PTPRQ: variants seen among roughly 807,000 people sequenced by gnomAD.
The protein encoded by PTPRQ is protein tyrosine phosphatase receptor type Q.
In PTPRQ, 199 loss-of-function variants were observed where a neutral mutation model predicts 246.0. The observed-to-expected ratio is 0.81, with a 90% confidence interval of 0.72 to 0.91. The LOEUF is 0.91. Ranked by LOEUF, PTPRQ falls within the 40% of genes least tolerant of loss-of-function variation. The pLI, the probability that PTPRQ is intolerant of heterozygous loss-of-function variation, is 0.00. For synonymous variants in PTPRQ, 869 were observed against 853.2 expected, an observed-to-expected ratio of 1.02 and a Z score of -0.32; for missense variants, 2,624 against 2,528.4, an observed-to-expected ratio of 1.04 and a Z score of -0.81.
chr12:80,648,213 CATTAT>C (rs1900139642), intron 35 of PTPRQ, among the ~76,000 whole-genome samples: 1 of 151,958 alleles, frequency 6.6e-6, no homozygotes. Context: ...TAGTTCATTT[CATTAT>C]ATTTTGTGCC....
intron 6 of PTPRQ, among the ~76,000 whole-genome samples, chr12:80,463,414 G>A (rs138132610): frequency 1.6e-4 from 24 of 152,314 alleles, no homozygotes; most frequent in East Asian, 1.2e-3. Flanking sequence ...AAGTGATGGC[G>A]AGAATGGAAT....
intron 17 of PTPRQ, among the ~76,000 whole-genome samples, chr12:80,530,936 C>T (rs1190972735): frequency 3.9e-5 from 6 of 151,988 alleles, no homozygotes; most frequent in Non-Finnish European, 8.8e-5. Flanking sequence ...CCTGTAGTAC[C>T]AGCTACTCTG....
chr12:80,657,201 C>T lies in PTPRQ; in HGVS notation c.6116-784C>T, dbSNP rs111633730. 2.3e-3 allele frequency among the ~76,000 whole-genome samples: 348 copies of T among 151,606 alleles called. 2 individuals are homozygous for T. Among genetic ancestry groups the T allele is most frequent in the African/African-American group, 8.1e-3 (336 of 41,394 alleles). ...AATAAAAGTGAGAAAATGTGAAAGG[C>T]AGTTAATAGGAAAGGCATTAAAATG... On this transcript the variant is annotated intron_variant, in intron 38 of 44. Transcript: ENST00000644991.
chr12:80,478,597 A>C (rs570296463), intron 8 of PTPRQ, among the ~76,000 whole-genome samples: 2 of 152,316 alleles, frequency 1.3e-5, no homozygotes, highest in South Asian at 4.1e-4. Context: ...GAGGACATTC[A>C]AACCAAAGGC....
chr12:80,652,938 T>A, intron 38 of PTPRQ, 104 bp downstream of exon 38: 1 of 1,214,274 alleles, frequency 8.2e-7, no homozygotes, highest in Non-Finnish European at 1.1e-6. Flanking sequence ...ATTGTTTGAA[T>A]TATAATAATG....
At chr12:80,591,717 G>T (rs1162426673) in intron 26 of PTPRQ, among the ~76,000 whole-genome samples, 1 of 152,166 alleles carries the variant, frequency 6.6e-6, no homozygotes, top group East Asian at 1.9e-4. Flanking sequence ...TAAATGCCCA[G>T]AGAACAAAAC....
intron 16 of PTPRQ, among the ~76,000 whole-genome samples, chr12:80,507,252 C>T (rs1191637650): frequency 6.6e-6 from 1 of 151,898 alleles, no homozygotes; most frequent in African/African-American, 2.4e-5. Context: ...TGATACCTTA[C>T]CAAGTTAGAC....
rs1224647915 is a variant in PTPRQ at position 80,537,163 on chromosome 12, A to G, written c.2985+2126A>G. 2.0e-5 allele frequency among the ~76,000 whole-genome samples: 3 copies of G among 152,254 alleles called. No homozygotes were observed. The East Asian group carries it at 5.8e-4, about 29-fold the overall frequency. ...AATGATGTTAAAATATTTCAGAAGT[A>G]TAGTCTCATATTGCTTGAAGTTTAT... On this transcript the variant is annotated intron_variant, in intron 19 of 44. Transcript: ENST00000644991.
chr12:80,547,879 C>A (rs1156620081), intron 24 of PTPRQ, among the ~76,000 whole-genome samples: 1 of 152,060 alleles, frequency 6.6e-6, no homozygotes. Flanking sequence ...TGCCCCCATT[C>A]CCATGTTACA....
chr12:80,481,533 G>A (rs1894057704), intron 8 of PTPRQ, among the ~76,000 whole-genome samples: 1 of 152,048 alleles, frequency 6.6e-6, no homozygotes, highest in Non-Finnish European at 1.5e-5. Flanking sequence ...AGGGCAATTA[G>A]GCAGGAGAAG....
At chr12:80,463,954 A>G (rs1893303322) in intron 6 of PTPRQ, among the ~76,000 whole-genome samples, 1 of 152,112 alleles carries the variant, frequency 6.6e-6, no homozygotes, top group Non-Finnish European at 1.5e-5. Flanking sequence ...AAGAAACTGC[A>G]TCAACTAACG....
rs1335923008 is a variant in PTPRQ at position 80,484,465 on chromosome 12, G to A, written c.1219G>A (p.Glu407Lys). ...GGCAGTGTTTGATTTACAACTTGCA[G>A]AGGTAGAATCCACGCAAGTAAGAAT... ...PGAVFDLQLA[E>K]VESTQVRITW... The change falls in exon 9 of 45, where the codon GAG becomes AAG. Residue 407 changes from glutamate (E) to lysine (K), a missense_variant. Transcript: ENST00000644991. The A allele has an allele frequency of 6.5e-7, 1 of 1,550,186 alleles. No homozygotes were observed. The highest frequency in any genetic ancestry group is 2.0e-5 in the Admixed American group (1 of 50,814).
At chr12:80,618,238 C>T (rs1278225630) in intron 30 of PTPRQ, among the ~76,000 whole-genome samples, 1 of 151,268 alleles carries the variant, frequency 6.6e-6, no homozygotes, top group Non-Finnish European at 1.5e-5. Flanking sequence ...TTTTCCCTAT[C>T]TACAAAATAA....
At chr12:80,669,674 T>A (rs971171210) in intron 41 of PTPRQ, among the ~76,000 whole-genome samples, 7 of 152,020 alleles carry the variant, frequency 4.6e-5, no homozygotes, top group Non-Finnish European at 7.4e-5. Flanking sequence ...CTAGTTAAAG[T>A]CTGTATTAAC....
intron 26 of PTPRQ, among the ~76,000 whole-genome samples, chr12:80,601,376 A>T (rs920154968): frequency 6.6e-6 from 1 of 151,816 alleles, no homozygotes; most frequent in African/African-American, 2.4e-5. Flanking sequence ...GAAAAGGGTT[A>T]AACAGTAGAA....
chr12:80,486,120 A>G (rs1247481156), intron 9 of PTPRQ, among the ~76,000 whole-genome samples: 1 of 152,166 alleles, frequency 6.6e-6, no homozygotes, highest in Non-Finnish European at 1.5e-5. Flanking sequence ...TCTCTAAGAT[A>G]GTGATTATAA....
Position 80,588,283 on chromosome 12 carries a change from A to G in PTPRQ, c.4440A>G (p.Glu1480=). The part of the protein sequence containing the change: ...RAQKCKEWES[E]ECVEYQKIQY... ...AAAAATGCAAAGAATGGGAATCCGA[A>G]GAATGTGTTGAATATCAAAAAATTC... The change falls in exon 26 of 45, where the codon GAA becomes GAG. Residue 1480 remains glutamate (E), a synonymous_variant. Coordinates refer to ENST00000644991, the MANE Select transcript of PTPRQ (RefSeq NM_001145026.2). The G allele has an allele frequency of 6.4e-7, 1 of 1,551,618 alleles. No individual in the cohort carries two copies. Among genetic ancestry groups the G allele is most frequent in the Non-Finnish European group, 8.7e-7 (1 of 1,146,936 alleles).
chr12:80,546,326 A>G (rs1174017557), intron 23 of PTPRQ, among the ~76,000 whole-genome samples: 2 of 152,158 alleles, frequency 1.3e-5, no homozygotes, highest in African/African-American at 4.8e-5. Context: ...AAAAAAGGCA[A>G]TTATGAGGTT....
At chr12:80,476,328 A>G (rs1490233842) in intron 8 of PTPRQ, among the ~76,000 whole-genome samples, 7 of 152,172 alleles carry the variant, frequency 4.6e-5, no homozygotes, top group Non-Finnish European at 7.4e-5. Flanking sequence ...TCTAGGTACA[A>G]TATATTTTAG....
Sources: gnomAD v4.1 joint callset for allele counts (sites outside exome capture counted in the v4.1 genomes callset) on GRCh38, gnomAD v4.1.1 for gene constraint, MANE v1.5 for transcripts, NCBI Gene and HGNC (gene_info 2026-07-23, HGNC 2026-07-21) for gene names.